Variants in ATMIN observed in about 807,000 individuals in gnomAD.
ATMIN encodes ATM INteracting protein.
ATMIN carries 24 observed loss-of-function variants against 49.2 expected under a neutral mutation model. That is an observed-to-expected ratio of 0.49 (90% CI 0.35 to 0.69). ATMIN has a LOEUF of 0.69. Among genes scored for constraint, ATMIN ranks in the 30% least tolerant of loss-of-function variants. The pLI, the probability that ATMIN is intolerant of heterozygous loss-of-function variation, is 0.00. For missense variants in ATMIN, 1,037 were observed against 1,005.5 expected, an observed-to-expected ratio of 1.03 and a Z score of -0.42; for synonymous variants, 450 against 392.5, an observed-to-expected ratio of 1.15 and a Z score of -1.73.
Position 81,044,083 on chromosome 16 carries a change from A to T in ATMIN, c.1585A>T (p.Thr529Ser). The T allele has an allele frequency of 4.3e-6, 7 of 1,614,166 alleles. No individual in the cohort carries two copies. The highest frequency in any genetic ancestry group is 5.9e-6 in the Non-Finnish European group (7 of 1,179,990). ...TGTTCATTCATCATATAATGTTGCTACAGGTAACATTATAAGCAACAGTTT... is the reference window on the plus strand; with the variant it reads ...TGTTCATTCATCATATAATGTTGCTTCAGGTAACATTATAAGCAACAGTTT... Reference protein sequence around the residue: ...ESVHSSYNVATGNIISNSLVA... With the variant: ...ESVHSSYNVASGNIISNSLVA... The change falls in exon 4 of 4, where the codon ACA becomes TCA. Residue 529 changes from threonine to serine, a missense_variant. By Grantham distance (58) the Thr-to-Ser change is moderately conservative. Transcript: ENST00000299575.
chr16:81,043,052 T>C, intron 3 of ATMIN, 109 bp from the exon 4 acceptor site: 1 of 1,332,288 alleles, frequency 7.5e-7, no homozygotes, highest in Non-Finnish European at 1.0e-6. Context: ...GGGTTGAACA[T>C]GACCTCTGCT....
rs1321835786 is a variant in ATMIN, at chr16:81,036,072, C to G, written c.202C>G (p.Leu68Val). The G allele has an allele frequency of 1.5e-6, 2 of 1,320,130 alleles. No homozygotes were observed. The highest frequency in any genetic ancestry group is 2.0e-6 in the Non-Finnish European group (2 of 1,023,504). 81.8% of individuals were successfully genotyped at this position (1,320,130 alleles called of 1,614,324 possible). Residue 68 changes from leucine to valine, a missense_variant, in exon 1 of 4, where the codon CTG becomes GTG. Leu to Val is a conservative substitution (Grantham distance 32). Coordinates refer to ENST00000299575, the MANE Select transcript of ATMIN (RefSeq NM_015251.3). ...PAVPAPPAGE[L>V]IQPSVSELSR... The stretch of plus-strand genomic sequence containing the variant: ...TGTCCCCGCGCCGCCGGCGGGGGAG[C>G]TGATCCAGCCGTCGGTGAGCGAGCT...
rs767200929 is a variant in ATMIN at position 81,043,320 on chromosome 16, T to C, written c.822T>C (p.Ser274=). The C allele has an allele frequency of 3.7e-6, 6 of 1,614,038 alleles. No homozygotes were observed. The highest frequency in any genetic ancestry group is 2.2e-5 in the East Asian group (1 of 44,888). The change falls in exon 4 of 4, where the codon TCT becomes TCC. Residue 274 remains serine, a synonymous_variant. Coordinates refer to ENST00000299575, the MANE Select transcript of ATMIN (RefSeq NM_015251.3). ...EIKLEPSFED[S]CGSNTDKQTL... ...AGCTAGAACCATCTTTTGAAGACTC[T>C]TGTGGCTCTAACACTGACAAGCAGA... is the stretch of plus-strand genomic sequence containing the variant.
chr16:81,036,517 T>C (rs1970937674), intron 1 of ATMIN, among the ~76,000 whole-genome samples: 1 of 152,266 alleles, frequency 6.6e-6, no homozygotes, highest in South Asian at 2.1e-4. Flanking sequence ...TACACTTTTT[T>C]GCCTGTGAGT....
At chr16:81,043,060 G>C in intron 3 of ATMIN, 101 bp from the exon 4 acceptor site, 4 of 1,393,328 alleles carry the variant, frequency 2.9e-6, no homozygotes, top group Non-Finnish European at 2.9e-6. Flanking sequence ...CATGACCTCT[G>C]CTATAGATGG....
Position 81,041,882 on chromosome 16 carries a change from G to A in ATMIN, c.463-399G>A, listed in dbSNP as rs75059611. ...TGGAAGCCGCAATCTTAAGAGGAGG[G>A]AGGGCCCCAGTGACTGGGACAAGAG... On this transcript the variant is annotated intron_variant, in intron 2 of 3. Transcript: ENST00000299575. 6.6e-3 allele frequency among the ~76,000 whole-genome samples: 1,008 copies of A among 152,272 alleles called. 12 individuals carry two copies. The highest frequency in any genetic ancestry group is 0.022 in the African/African-American group (922 of 41,528).
Position 81,043,329 on chromosome 16 carries a change from T to C in ATMIN, c.831T>C (p.Ser277=), listed in dbSNP as rs755667499. 3.1e-6 allele frequency: 5 copies of C among 1,614,112 alleles called. No homozygotes were observed. Among genetic ancestry groups the C allele is most frequent in the Non-Finnish European group, 4.2e-6 (5 of 1,180,016 alleles). ...LEPSFEDSCG[S]NTDKQTLTTP... Reference sequence around the variant, plus strand: ...CATCTTTTGAAGACTCTTGTGGCTCTAACACTGACAAGCAGACTCTTACAA... The same window carrying C: ...CATCTTTTGAAGACTCTTGTGGCTCCAACACTGACAAGCAGACTCTTACAA... The change falls in exon 4 of 4, where the codon TCT becomes TCC. Residue 277 remains serine, a synonymous_variant. Coordinates refer to ENST00000299575, the MANE Select transcript of ATMIN (RefSeq NM_015251.3).
rs1176237191 is a variant in ATMIN at position 81,043,035 on chromosome 16, C to G, written c.663-126C>G. 1.7e-6 allele frequency: 2 copies of G among 1,192,628 alleles called. 1 individual carries two copies. The highest frequency in any genetic ancestry group is 5.8e-5 in the Admixed American group (2 of 34,344). 73.9% of individuals were successfully genotyped at this position (1,192,628 alleles called of 1,614,324 possible). A position where few individuals can be genotyped will look rare whatever the true frequency, so the allele number is the denominator to read the frequency against. On this transcript the variant is annotated intron_variant, in intron 3 of 3. Transcript: ENST00000299575. ...CAGAGTTGCGAAAGAATGGATTTAT[C>G]TTGTCTGGGTTGAACATGACCTCTG... is the stretch of plus-strand genomic sequence containing the variant.
At position 81,036,214 on chromosome 16, in the gene ATMIN, C is replaced by G. The variant is rs1354439254; in HGVS notation, c.336+8C>G. ...AAGAGCCACCGCCTGCAGGTGAGCC[C>G]GACGCGGCCGGCGGCCCGGGGGGCC... On this transcript the variant is annotated splice_region_variant and intron_variant, in intron 1 of 3. Coordinates refer to ENST00000299575, the MANE Select transcript of ATMIN (RefSeq NM_015251.3). The G allele has an allele frequency of 2.8e-6, 4 of 1,409,758 alleles. No homozygotes were observed. Among genetic ancestry groups the G allele is most frequent in the South Asian group, 1.4e-5 (1 of 73,432 alleles). The allele number at this position is 1,409,758 out of a possible 1,614,324, so 87.3% of individuals were successfully genotyped here.
rs1597126330 is a variant in ATMIN at position 81,043,108 on chromosome 16, G to T, written c.663-53G>T. On this transcript the variant is annotated intron_variant, in intron 3 of 3. Coordinates refer to ENST00000299575, the MANE Select transcript of ATMIN (RefSeq NM_015251.3). ...TTGTAAGTGAGGATAGAGTGTCATG[G>T]TCGAAGAAAGTTGTATTTTAAGGTT... The T allele has an allele frequency of 2.6e-6, 4 of 1,540,924 alleles. No homozygotes were observed. The African/African-American group carries it at 5.5e-5, about 21-fold the overall frequency.
intron 1 of ATMIN, among the ~76,000 whole-genome samples, chr16:81,037,876 G>A (rs1196374343): frequency 1.3e-5 from 2 of 152,036 alleles, no homozygotes; most frequent in African/African-American, 4.8e-5. Context: ...TGACCCTCAG[G>A]TGATCCACCC....
chr16:81,043,096 TAG>T, intron 3 of ATMIN, 63 bp from the exon 4 acceptor site: 2 of 1,522,928 alleles, frequency 1.3e-6, no homozygotes, highest in Non-Finnish European at 1.8e-6. Flanking sequence ...TAAGTGAGGA[TAG>T]AGTGTCATGG....
intron 3 of ATMIN, among the ~76,000 whole-genome samples, 167 bp downstream of exon 3, chr16:81,042,647 T>C (rs1009028279): frequency 6.6e-6 from 1 of 151,654 alleles, no homozygotes; most frequent in Admixed American, 6.6e-5. Context: ...AAATGACACA[T>C]GTCTGGGCCT....
chr16:81,043,100 G>C, intron 3 of ATMIN, 61 bp from the exon 4 acceptor site: 1 of 1,529,246 alleles, frequency 6.5e-7, no homozygotes, highest in Non-Finnish European at 8.8e-7. Flanking sequence ...TGAGGATAGA[G>C]TGTCATGGTC....
rs549686381 is a variant in ATMIN at position 81,035,884 on chromosome 16, AGGC to A, written c.29_31del (p.Ala10del). 9,048 of 941,714 alleles carry A rather than the reference AGGC, an allele frequency of 9.6e-3. 457 individuals are homozygous for A. In the African/African-American group the frequency reaches 0.12, roughly 13 times the overall value. The allele number at this position is 941,714 out of a possible 1,614,324, so 58.3% of individuals were successfully genotyped here. On this transcript the variant is annotated inframe_deletion, in exon 1 of 4. Transcript: ENST00000299575. ...CGTGCGGGAGCCATGGCGGCCTCGG[AGGC>A]GGCGGCGGCGGCGGGGTCCGCGGCT...
At chr16:81,041,577 G>A in intron 2 of ATMIN, 96 bp downstream of exon 2, 3 of 1,455,620 alleles carry the variant, frequency 2.1e-6, no homozygotes, top group Admixed American at 2.4e-5. Context: ...GTAGACAGCT[G>A]CTTGTGAGGG....
At chr16:81,037,082 C>A in intron 1 of ATMIN, 1 of 691,620 alleles carries the variant, frequency 1.4e-6, no homozygotes, top group Non-Finnish European at 1.8e-6. Flanking sequence ...CCTTGGGACA[C>A]ATCTGTGACA....
chr16:81,041,489 C>T lies in ATMIN; in HGVS notation c.462+8C>T, dbSNP rs373179743. 3 of 1,597,928 alleles carry T rather than the reference C, an allele frequency of 1.9e-6. No individual in the cohort carries two copies. The highest frequency in any genetic ancestry group is 1.7e-4 in the Middle Eastern group (1 of 5,978). On this transcript the variant is annotated splice_region_variant and intron_variant, in intron 2 of 3. Coordinates refer to ENST00000299575, the MANE Select transcript of ATMIN (RefSeq NM_015251.3). ...TTTTCTCTCGTAAAACAGGTACTCT[C>T]TACTCTGAGGATGAGATACAGATGC...
In ATMIN at chr16:81,047,239, C is replaced by G. The variant is rs563273056; in HGVS notation, c.*2269C>G. 22 of 152,064 alleles carry G rather than the reference C, an allele frequency of 1.4e-4. No homozygotes were observed. Among genetic ancestry groups the G allele is most frequent in the South Asian group, 4.2e-4 (2 of 4,818 alleles). The allele number at this position is 152,064 out of a possible 1,614,324, so 9.4% of individuals were successfully genotyped here. On this transcript the variant is annotated 3_prime_UTR_variant, in exon 4 of 4. Transcript: ENST00000299575. The stretch of plus-strand genomic sequence containing the variant: ...GATTAAAGAGAAGCCAGAATTGTAC[C>G]CTTTTTTGTGAATTCTTGAACGTAC...
Sources: allele counts gnomAD v4.1 joint callset (sites outside exome capture counted in the v4.1 genomes callset), GRCh38; gene constraint gnomAD v4.1.1; transcripts MANE v1.5; gene names NCBI Gene and HGNC (gene_info 2026-07-23, HGNC 2026-07-21).